The following TIAM2 variants were observed in gnomAD, a reference collection of about 807,000 sequenced individuals.
TIAM2 encodes TIAM Rac1 associated GEF 2, also known as rho guanine nucleotide exchange factor TIAM2.
In TIAM2, 80 loss-of-function variants were observed where a neutral mutation model predicts 152.9. That is an observed-to-expected ratio of 0.52 (90% confidence interval 0.44 to 0.63). TIAM2 has a LOEUF of 0.63. Ranked by LOEUF, TIAM2 falls within the 30% of genes least tolerant of loss-of-function variation. The pLI, the probability that TIAM2 is intolerant of heterozygous loss-of-function variation, is 0.00. For synonymous variants in TIAM2, 804 were observed against 838.0 expected (o/e 0.96, Z 0.70); for missense variants, 1,965 against 2,120.1 (o/e 0.93, Z 1.44).
Position 155,114,036 on chromosome 6 carries a change from ATTTT to A in TIAM2, c.-117-13444_-117-13441del, listed in dbSNP as rs869241399. On this transcript the variant is annotated intron_variant, in intron 2 of 26. Transcript: ENST00000682666. ...ACTTTATATATATATATATATATATATTTTTTTTTTTTTCTTTTTTTTTTTTTTT... is the reference window on the plus strand; with the variant it reads ...ACTTTATATATATATATATATATATATTTTTTTTTCTTTTTTTTTTTTTTT... Among the ~76,000 whole-genome samples, 5 of 34,900 alleles carry A rather than the reference ATTTT, an allele frequency of 1.4e-4. 1 individual carries two copies. The highest frequency in any genetic ancestry group is 5.6e-4 in the African/African-American group (5 of 8,910). The allele number at this position is 34,900 out of a possible 152,430, so 22.9% of individuals were successfully genotyped here. A position where few individuals can be genotyped will look rare whatever the true frequency, so the allele number is the denominator to read the frequency against.
intron 14 of TIAM2, among the ~76,000 whole-genome samples, chr6:155,202,988 G>C (rs1034012252): frequency 3.5e-4 from 50 of 144,090 alleles, no homozygotes; most frequent in African/African-American, 1.3e-3. Context: ...GGCGGAGGTC[G>C]CAGTGAGCTG....
intron 14 of TIAM2, among the ~76,000 whole-genome samples, chr6:155,192,910 G>A (rs75540306): frequency 0.014 from 2,066 of 152,260 alleles, 18 homozygotes; most frequent in Middle Eastern, 0.034. Flanking sequence ...ATTTCTTCAA[G>A]GTTGGTTGCA....
chr6:155,025,194 A>ATTTTTTTTT (rs781027891), intron 1 of TIAM2, among the ~76,000 whole-genome samples: 1 of 121,272 alleles, frequency 8.2e-6, no homozygotes, highest in Non-Finnish European at 1.7e-5. Flanking sequence ...TAATTTTTGT[A>ATTTTTTTTT]TTTTTTTTTT....
At chr6:155,247,970 T>C in intron 19 of TIAM2, 30 bp from the exon 20 acceptor site, 1 of 1,608,284 alleles carries the variant, frequency 6.2e-7, no homozygotes, top group Non-Finnish European at 8.5e-7. Context: ...CACTGTGCTC[T>C]TCTGAGGTCT....
intron 2 of TIAM2, among the ~76,000 whole-genome samples, chr6:155,111,091 C>T (rs2115006798): frequency 6.6e-6 from 1 of 152,146 alleles, no homozygotes; most frequent in South Asian, 2.1e-4. Context: ...TGATTAAAGG[C>T]AATGAGAAGA....
chr6:155,146,684 C>G (rs1440931147), intron 6 of TIAM2, among the ~76,000 whole-genome samples: 1 of 151,976 alleles, frequency 6.6e-6, no homozygotes, highest in Non-Finnish European at 1.5e-5. Context: ...CAACCTCTGC[C>G]TCCCCGGTTC....
chr6:155,156,630 C>G lies in TIAM2; in HGVS notation c.2029-7785C>G, dbSNP rs760555567. Reference sequence around the variant, plus strand: ...CTGAGATCACACCATTGCACTCCAGCCTGGGCAACAGAGTGATATGTCTCA... The same window carrying G: ...CTGAGATCACACCATTGCACTCCAGGCTGGGCAACAGAGTGATATGTCTCA... On this transcript the variant is annotated intron_variant, in intron 7 of 26. Coordinates refer to ENST00000682666, the MANE Select transcript of TIAM2 (RefSeq NM_012454.4). This position sits in a 1 kb window ranked among gnomAD's most constrained non-coding sequence, Gnocchi z 4.4. Among the ~76,000 whole-genome samples, 1 of 152,026 alleles carries G rather than the reference C, an allele frequency of 6.6e-6. No homozygotes were observed. The highest frequency in any genetic ancestry group is 1.5e-5 in the Non-Finnish European group (1 of 68,004).
Position 155,165,357 on chromosome 6 carries a change from G to A in TIAM2, c.2309G>A (p.Gly770Glu). ...NKKGIFSSLK[G>E]LDTLARKGKE... is the part of the protein sequence containing the mutation. ...AAGGGAATATTTTCTTCGTTAAAAG[G>A]GCTGGACACACTGGCCAGAAAAGGC... is the stretch of plus-strand genomic sequence containing the variant. The change falls in exon 9 of 27, where the codon GGG (glycine) becomes GAG (glutamate). Residue 770 changes from glycine to glutamate, a missense_variant. Transcript: ENST00000682666. 1 of 1,614,128 alleles carries A rather than the reference G, an allele frequency of 6.2e-7. No homozygotes were observed. The highest frequency in any genetic ancestry group is 8.5e-7 in the Non-Finnish European group (1 of 1,180,032).
chr6:155,075,943 C>T (rs550741763), intron 1 of TIAM2, among the ~76,000 whole-genome samples: 4 of 152,232 alleles, frequency 2.6e-5, no homozygotes, highest in Admixed American at 6.5e-5. Flanking sequence ...GAAAAAATAA[C>T]GTGTAGCGAA....
chr6:155,166,296 C>G (rs1780433603), intron 9 of TIAM2, among the ~76,000 whole-genome samples: 2 of 151,832 alleles, frequency 1.3e-5, no homozygotes, highest in Non-Finnish European at 1.5e-5. Context: ...GTGACTCTTG[C>G]AACACTTTCT....
chr6:155,183,668 G>A (rs540195242), intron 14 of TIAM2, among the ~76,000 whole-genome samples, 168 bp downstream of exon 14: 3 of 152,222 alleles, frequency 2.0e-5, no homozygotes, highest in South Asian at 4.1e-4. Context: ...AAAATTTCAT[G>A]CGTTTTAGTA....
chr6:155,235,495 C>T (rs575258291), intron 15 of TIAM2, among the ~76,000 whole-genome samples: 1 of 152,204 alleles, frequency 6.6e-6, no homozygotes, highest in African/African-American at 2.4e-5. Context: ...ATCAGGTTCA[C>T]CCAGAATGTC....
chr6:155,023,821 C>T (rs998078799), intron 1 of TIAM2, among the ~76,000 whole-genome samples: 3 of 152,074 alleles, frequency 2.0e-5, no homozygotes, highest in Admixed American at 6.6e-5. Context: ...CTTGTTGAGC[C>T]GCAGATGGTT....
chr6:155,078,348 G>A (rs1446494123), intron 1 of TIAM2, among the ~76,000 whole-genome samples: 2 of 152,002 alleles, frequency 1.3e-5, no homozygotes, highest in African/African-American at 4.8e-5. Flanking sequence ...GCCCAGCCTC[G>A]AGTTCACTTT....
chr6:155,096,451 T>G (rs558299443), intron 2 of TIAM2, among the ~76,000 whole-genome samples: 1 of 152,370 alleles, frequency 6.6e-6, no homozygotes, highest in Admixed American at 6.5e-5. Context: ...GTTTTATTTC[T>G]TCTATCAAAC....
chr6:155,225,137 G>A (rs1562360405), intron 15 of TIAM2, among the ~76,000 whole-genome samples: 2 of 152,162 alleles, frequency 1.3e-5, no homozygotes, highest in East Asian at 1.9e-4. Context: ...TGTATTTTTG[G>A]TAGAGATGGG....
intron 1 of TIAM2, among the ~76,000 whole-genome samples, chr6:155,038,398 G>A (rs1235563963): frequency 6.6e-6 from 1 of 152,192 alleles, no homozygotes; most frequent in Non-Finnish European, 1.5e-5. Context: ...TAAGAAGAGA[G>A]ACACAGGATG....
chr6:155,250,487 G>C lies in TIAM2; in HGVS notation c.3952-426G>C, dbSNP rs903407449. ...AAATGGCAGGAACAGGAAAGGACTG[G>C]AGATCAGTCCTTCACTCTGGCCAGT... On this transcript the variant is annotated intron_variant, in intron 21 of 26. Coordinates refer to ENST00000682666, the MANE Select transcript of TIAM2 (RefSeq NM_012454.4). 8 of 1,421,902 alleles carry C rather than the reference G, an allele frequency of 5.6e-6. No individual in the cohort carries two copies. The African/African-American group carries it at 1.1e-4, about 20-fold the overall frequency. The allele number at this position is 1,421,902 out of a possible 1,614,324, so 88.1% of individuals were successfully genotyped here.
intron 1 of TIAM2, among the ~76,000 whole-genome samples, chr6:155,042,032 T>A (rs1274691408): frequency 6.6e-6 from 1 of 152,096 alleles, no homozygotes; most frequent in East Asian, 1.9e-4. Flanking sequence ...TTTTTTCTTT[T>A]TTTTTAATCT....
Sources: allele counts gnomAD v4.1 joint callset (sites outside exome capture counted in the v4.1 genomes callset), GRCh38; gene constraint gnomAD v4.1.1; non-coding constraint Gnocchi (gnomAD v3.1); transcripts MANE v1.5; gene names NCBI Gene and HGNC (gene_info 2026-07-23, HGNC 2026-07-21).